Variants in LNX1 observed in about 807,000 individuals in gnomAD.
The protein encoded by LNX1 is E3 ubiquitin-protein ligase LNX.
LNX1 carries 54 observed loss-of-function variants against 68.4 expected under a neutral mutation model. That is an observed-to-expected ratio of 0.79 (90% CI 0.63 to 0.99). The LOEUF (loss-of-function observed/expected upper bound fraction) is 0.99. Ranked by LOEUF, LNX1 falls within the 50% of genes least tolerant of loss-of-function variation. LNX1 has a pLI of 0.00. For missense variants in LNX1, 906 were observed against 926.4 expected (o/e 0.98, Z 0.29); for synonymous variants, 336 against 350.0 (o/e 0.96, Z 0.45).
chr4:53,558,074 A>G, intron 2 of LNX1: 2 of 1,524,814 alleles, frequency 1.3e-6, no homozygotes, highest in Non-Finnish European at 1.8e-6. Flanking sequence ...CAATCAGTAG[A>G]TCACAAAGAA....
At chr4:53,609,712 A>T in intron 2 of LNX1, among the ~76,000 whole-genome samples, 1 of 144,756 alleles carries the variant, frequency 6.9e-6, no homozygotes, top group South Asian at 2.1e-4. Context: ...GTACTATTAT[A>T]ATATATAGTA....
intron 1 of LNX1, among the ~76,000 whole-genome samples, chr4:53,648,281 T>G (rs1484179895): frequency 6.6e-6 from 1 of 152,242 alleles, no homozygotes; most frequent in East Asian, 1.9e-4. Flanking sequence ...TTGGAATTTT[T>G]TTTAACTTGA....
At chr4:53,652,033 G>GAGAT (rs564726807) in intron 1 of LNX1, 7,745 of 127,188 alleles carry the variant, frequency 0.061, 243 homozygotes, top group Admixed American at 0.1. Flanking sequence ...GAGAGAGAGA[G>GAGAT]AGAGAGAGAG....
At chr4:53,523,447 T>C (rs1182987993) in intron 2 of LNX1, among the ~76,000 whole-genome samples, 3 of 152,136 alleles carry the variant, frequency 2.0e-5, no homozygotes, top group Non-Finnish European at 4.4e-5. Context: ...CCACCACGCC[T>C]GGCTTATTTT....
chr4:53,605,324 A>AGGTGTATAATGTGATGTTTT (rs1733185216), intron 2 of LNX1, among the ~76,000 whole-genome samples: 1 of 152,216 alleles, frequency 6.6e-6, no homozygotes, highest in Admixed American at 6.5e-5. Flanking sequence ...TACAAATTTA[A>AGGTGTATAATGTGATGTTTT]GGTGTATAAT....
intron 1 of LNX1, among the ~76,000 whole-genome samples, chr4:53,588,257 A>G (rs1732296106): frequency 6.6e-6 from 1 of 152,202 alleles, no homozygotes; most frequent in Non-Finnish European, 1.5e-5. Flanking sequence ...TACATGGTAG[A>G]ACTGGGTCTG....
intron 2 of LNX1, among the ~76,000 whole-genome samples, chr4:53,533,276 T>A (rs1351346803): frequency 2.0e-5 from 3 of 152,176 alleles, no homozygotes; most frequent in Admixed American, 2.0e-4. Flanking sequence ...AGGAACCAGA[T>A]TTGCCCGAGG....
At chr4:53,519,285 T>C (rs562265059) in intron 2 of LNX1, among the ~76,000 whole-genome samples, 16 of 152,260 alleles carry the variant, frequency 1.1e-4, no homozygotes, top group African/African-American at 3.9e-4. Context: ...CATATATTCA[T>C]ATTCATGGTC....
upstream of LNX1, chr4:53,591,880 G>A (rs180942775): frequency 1.3e-5 from 2 of 152,242 alleles, no homozygotes; most frequent in East Asian, 3.9e-4. Flanking sequence ...TAATTTAGCA[G>A]ACACAAAAAG....
chr4:53,498,645 A>C lies in LNX1; in HGVS notation c.974T>G (p.Leu325Arg). The C allele has an allele frequency of 6.2e-7, 1 of 1,613,564 alleles. No individual in the cohort carries two copies. The highest frequency in any genetic ancestry group is 8.5e-7 in the Non-Finnish European group (1 of 1,179,454). Residue 325 changes from leucine to arginine, a missense_variant, in exon 5 of 11, where the codon CTA becomes CGA. Leu to Arg is a moderately radical substitution (Grantham distance 102, BLOSUM62 -2). Coordinates refer to ENST00000263925, the MANE Select transcript of LNX1 (RefSeq NM_001126328.3). ...CCCCACAGCCACAGTCTCTACCTTTAGAATGATGTCTCCTGGCAGTAGCCG... is the reference window on the plus strand; with the variant it reads ...CCCCACAGCCACAGTCTCTACCTTTCGAATGATGTCTCCTGGCAGTAGCCG... ...DGRLLPGDII[L>R]KVNGMDISNV...
upstream of LNX1, among the ~76,000 whole-genome samples, chr4:53,621,998 A>G (rs2616417): frequency 0.61 from 92,177 of 151,956 alleles, 29,239 homozygotes; most frequent in East Asian, 0.82. Context: ...TCTCATATAC[A>G]TTGGTGCAGA....
intron 1 of LNX1, among the ~76,000 whole-genome samples, chr4:53,650,711 G>T (rs545977663): frequency 6.6e-6 from 1 of 152,014 alleles, no homozygotes; most frequent in African/African-American, 2.4e-5. Context: ...CCCCTTCCGT[G>T]TCCCCCCAAG....
intron 1 of LNX1, among the ~76,000 whole-genome samples, chr4:53,628,654 T>G (rs1322280245): frequency 6.6e-6 from 1 of 152,246 alleles, no homozygotes; most frequent in Non-Finnish European, 1.5e-5. Flanking sequence ...GAAGTCATTA[T>G]GTGAAAAAGA....
intron 2 of LNX1, among the ~76,000 whole-genome samples, chr4:53,532,458 A>T (rs1427461722): frequency 6.6e-6 from 1 of 151,988 alleles, no homozygotes; most frequent in Non-Finnish European, 1.5e-5. Context: ...TAAATAAATA[A>T]ATATATGAAT....
At chr4:53,632,791 C>T (rs1296169357) in intron 1 of LNX1, among the ~76,000 whole-genome samples, 1 of 152,180 alleles carries the variant, frequency 6.6e-6, no homozygotes, top group Non-Finnish European at 1.5e-5. Context: ...GGACAACAGA[C>T]AAGGAACAGC....
intron 6 of LNX1, among the ~76,000 whole-genome samples, chr4:53,487,427 A>G (rs1000174199): frequency 2.6e-5 from 4 of 152,222 alleles, no homozygotes; most frequent in African/African-American, 9.7e-5. Context: ...TGTATGATAA[A>G]CTATATAAAA....
chr4:53,468,930 A>G (rs1445403377), intron 9 of LNX1, among the ~76,000 whole-genome samples: 3 of 152,220 alleles, frequency 2.0e-5, no homozygotes, highest in East Asian at 1.9e-4. Context: ...AGACAGATCA[A>G]CGACACAGAA....
intron 1 of LNX1, among the ~76,000 whole-genome samples, chr4:53,583,709 G>A (rs1421262116): frequency 6.6e-6 from 1 of 152,170 alleles, no homozygotes; most frequent in Non-Finnish European, 1.5e-5. Flanking sequence ...AAGTGGTTAA[G>A]CGAAAAGAGT....
chr4:53,624,750 A>AAG (rs1734010908), intron 1 of LNX1, among the ~76,000 whole-genome samples: 1 of 152,144 alleles, frequency 6.6e-6, no homozygotes. Context: ...TTGGTCCTGC[A>AAG]GGCCATCTAC....
Sources: gnomAD v4.1 joint callset for allele counts (sites outside exome capture counted in the v4.1 genomes callset) on GRCh38, gnomAD v4.1.1 for gene constraint, MANE v1.5 for transcripts, NCBI Gene and HGNC (gene_info 2026-07-23, HGNC 2026-07-21) for gene names.